RELN: variants seen among roughly 807,000 people sequenced by gnomAD.
The protein encoded by RELN is reelin.
In RELN, 108 loss-of-function variants were observed where a neutral mutation model predicts 427.6. The observed-to-expected ratio is 0.25, with a 90% confidence interval of 0.22 to 0.30. The LOEUF (loss-of-function observed/expected upper bound fraction) is 0.30. Ranked by LOEUF, RELN falls within the 10% of genes least tolerant of loss-of-function variation. RELN has a pLI of 1.00. For missense variants in RELN, 3,715 were observed against 4,302.8 expected (o/e 0.86, Z 3.82); for synonymous variants, 1,524 against 1,513.4 (o/e 1.01, Z -0.16).
intron 60 of RELN, among the ~76,000 whole-genome samples, chr7:103,489,181 G>T (rs912395929): frequency 2.0e-5 from 3 of 146,560 alleles, no homozygotes; most frequent in Admixed American, 6.7e-5. Context: ...GAGTGAAAAT[G>T]TATTTCTTTG....
intron 10 of RELN, among the ~76,000 whole-genome samples, chr7:103,685,976 G>T (rs1309834522): frequency 6.6e-6 from 1 of 152,116 alleles, no homozygotes; most frequent in East Asian, 1.9e-4. Context: ...CTCTGTACTT[G>T]TAAAAGTGCT....
chr7:103,762,423 A>G (rs757668316), intron 4 of RELN, among the ~76,000 whole-genome samples: 1 of 152,222 alleles, frequency 6.6e-6, no homozygotes, highest in Non-Finnish European at 1.5e-5. Context: ...TCTAACTACA[A>G]TAGTTAATTT....
rs362670 is a variant in RELN, at chr7:103,595,802, A to G, written c.3539+654T>C. Among the ~76,000 whole-genome samples, 445 of 152,244 alleles carry G rather than the reference A, an allele frequency of 2.9e-3. 3 individuals carry two copies. Among genetic ancestry groups the G allele is most frequent in the Middle Eastern group, 0.01 (3 of 294 alleles). ...TACTTATATAAAATATAAATACAGA[A>G]TTTCAAAATACTACATAATTGCAAA... On this transcript the variant is annotated intron_variant, in intron 25 of 64. Coordinates refer to ENST00000428762, the MANE Select transcript of RELN (RefSeq NM_005045.4).
At position 103,776,692 on chromosome 7, in the gene RELN, A is replaced by C. The variant is rs13243284; in HGVS notation, c.474-65T>G. On this transcript the variant is annotated intron_variant, in intron 3 of 64. Transcript: ENST00000428762. The stretch of plus-strand genomic sequence containing the variant: ...TATGTTTGGTGAAAATGTATGTTTA[A>C]AACTTTTTAAAAAGCTTATTCTTAA... The C allele has an allele frequency of 0.43, 658,958 of 1,526,084 alleles. 142,717 individuals are homozygous for C. The highest frequency in any genetic ancestry group is 0.51 in the South Asian group (45,452 of 88,876). The allele number at this position is 1,526,084 out of a possible 1,614,324, so 94.5% of individuals were successfully genotyped here.
chr7:103,515,357 A>G lies in RELN; in HGVS notation c.7947T>C (p.Asp2649=). Reference sequence around the variant, plus strand: ...CATTGTCAATGGCCCAGTCGTTCTGATCCAGGCCGTCATGTCTTGGCTGCC... The same window carrying G: ...CATTGTCAATGGCCCAGTCGTTCTGGTCCAGGCCGTCATGTCTTGGCTGCC... ...RWWQPRHDGL[D]QNDWAIDNVL... Residue 2649 remains aspartate (D), a synonymous_variant, in exon 50 of 65, where the codon GAT becomes GAC. Transcript: ENST00000428762. 2 of 1,614,104 alleles carry G rather than the reference A, an allele frequency of 1.2e-6. No individual in the cohort carries two copies. Among genetic ancestry groups the G allele is most frequent in the Non-Finnish European group, 1.7e-6 (2 of 1,180,018 alleles).
chr7:103,988,832 G>A lies in RELN; in HGVS notation c.226+299C>T, dbSNP rs924027239. Among the ~76,000 whole-genome samples the A allele has an allele frequency of 6.6e-6, 1 of 152,198 alleles. No homozygotes were observed. The highest frequency in any genetic ancestry group is 2.4e-5 in the African/African-American group (1 of 41,448). ...GCAGGTTCAATTTAAAGTGCCTGCG[G>A]TAAGTACGGGGAGTGAGGGGGAAAG... On this transcript the variant is annotated intron_variant, in intron 1 of 64. Transcript: ENST00000428762. This position sits in a 1 kb window ranked among gnomAD's most constrained non-coding sequence, Gnocchi z 4.9.
chr7:103,706,890 G>C (rs1466006970), intron 8 of RELN, among the ~76,000 whole-genome samples: 1 of 152,094 alleles, frequency 6.6e-6, no homozygotes, highest in Non-Finnish European at 1.5e-5. Flanking sequence ...ATGTGTACTT[G>C]GGCATCACTT....
chr7:103,576,229 C>G (rs975282214), intron 28 of RELN, among the ~76,000 whole-genome samples: 2 of 151,814 alleles, frequency 1.3e-5, no homozygotes, highest in Non-Finnish European at 2.9e-5. Flanking sequence ...GGCGAGACTC[C>G]GTCTCAAAAA....
intron 11 of RELN, among the ~76,000 whole-genome samples, chr7:103,677,288 C>A (rs1440852698): frequency 2.0e-5 from 3 of 151,306 alleles, no homozygotes; most frequent in Non-Finnish European, 4.4e-5. Context: ...GGAGGGATAA[C>A]ATTAGGAGAA....
intron 3 of RELN, among the ~76,000 whole-genome samples, chr7:103,798,783 T>A (rs979215990): frequency 1.4e-4 from 22 of 152,196 alleles, no homozygotes; most frequent in African/African-American, 5.3e-4. Flanking sequence ...CTATTTTAGG[T>A]ACAGGAGATA....
At position 103,636,452 on chromosome 7, in the gene RELN, A is replaced by G. The variant is rs765274194; in HGVS notation, c.2086T>C (p.Ser696Pro). The G allele has an allele frequency of 3.7e-6, 6 of 1,612,176 alleles. No homozygotes were observed. The Admixed American group carries it at 1.0e-4, about 27-fold the overall frequency. The change falls in exon 18 of 65, where the codon TCT (serine) becomes CCT (proline). Residue 696 changes from serine (S) to proline (P), a missense_variant. Physicochemically the swap from Ser to Pro is moderately conservative, Grantham distance 74. Coordinates refer to ENST00000428762, the MANE Select transcript of RELN (RefSeq NM_005045.4). Reference sequence around the variant, plus strand: ...GATGCCATCTCACAAGCTGGGCCAGAAAATCCAGGGTCACACCTGAAAGAA... The same window carrying G: ...GATGCCATCTCACAAGCTGGGCCAGGAAATCCAGGGTCACACCTGAAAGAA... ...RHGCKCDPGF[S>P]GPACEMASQT...
At chr7:103,547,709 C>T (rs892340650) in intron 41 of RELN, among the ~76,000 whole-genome samples, 1 of 152,330 alleles carries the variant, frequency 6.6e-6, no homozygotes. Context: ...ACCTTTTGAA[C>T]TTTCAGACTG....
chr7:103,833,748 T>C, intron 2 of RELN, 76 bp from the exon 3 acceptor site: 2 of 1,425,312 alleles, frequency 1.4e-6, no homozygotes, highest in African/African-American at 1.4e-5. Flanking sequence ...CAGTATTTTC[T>C]GAATATTTTT....
At chr7:103,617,270 G>C (rs1584347995) in intron 20 of RELN, among the ~76,000 whole-genome samples, 1 of 152,008 alleles carries the variant, frequency 6.6e-6, no homozygotes, top group Admixed American at 6.6e-5. Flanking sequence ...AGGATATATA[G>C]TCTGTCATAT....
chr7:103,839,402 T>G (rs1224104769), intron 2 of RELN, among the ~76,000 whole-genome samples: 1 of 150,786 alleles, frequency 6.6e-6, no homozygotes, highest in Non-Finnish European at 1.5e-5. Flanking sequence ...TCATCTAGAG[T>G]TGCAACTATT....
intron 1 of RELN, among the ~76,000 whole-genome samples, chr7:103,924,226 T>A: frequency 6.6e-6 from 1 of 152,182 alleles, no homozygotes; most frequent in Non-Finnish European, 1.5e-5. Context: ...CTCTGTAGAA[T>A]GTACTTAACC....
intron 10 of RELN, among the ~76,000 whole-genome samples, chr7:103,693,013 G>C (rs1272432428): frequency 6.6e-6 from 1 of 152,092 alleles, no homozygotes; most frequent in African/African-American, 2.4e-5. Flanking sequence ...TATTTGTGAC[G>C]CTGGAGCACA....
intron 3 of RELN, among the ~76,000 whole-genome samples, chr7:103,830,436 C>A (rs561195294): frequency 7.9e-5 from 12 of 151,914 alleles, no homozygotes; most frequent in African/African-American, 2.2e-4. Context: ...AATAATCTTT[C>A]TTACCTTAAA....
chr7:103,732,718 C>A (rs1433568212), intron 6 of RELN, among the ~76,000 whole-genome samples: 1 of 152,112 alleles, frequency 6.6e-6, no homozygotes. Flanking sequence ...TACTTAAATG[C>A]ATAAGTGCTC....
Sources: gnomAD v4.1 joint callset for allele counts (sites outside exome capture counted in the v4.1 genomes callset) on GRCh38, gnomAD v4.1.1 for gene constraint, Gnocchi (gnomAD v3.1) non-coding constraint, MANE v1.5 for transcripts, NCBI Gene and HGNC (gene_info 2026-07-23, HGNC 2026-07-21) for gene names.